CDYL: variants seen among roughly 807,000 people sequenced by gnomAD.
CDYL encodes chromodomain Y like, also known as chromodomain Y-like protein.
CDYL carries 8 observed loss-of-function variants against 47.3 expected under a neutral mutation model. The ratio of observed to expected loss-of-function variants is 0.17; its 90% CI spans 0.10 to 0.31. The LOEUF is 0.31. Ranked by LOEUF, CDYL falls within the 10% of genes least tolerant of loss-of-function variation. CDYL has a pLI of 1.00. For synonymous variants in CDYL, 266 were observed against 265.0 expected, an observed-to-expected ratio of 1.00 and a Z score of -0.04; for missense variants, 471 against 701.4, an observed-to-expected ratio of 0.67 and a Z score of 3.71.
rs115401997 is a variant in CDYL at position 4,819,454 on chromosome 6, G to A, written c.24+42647G>A. On this transcript the variant is annotated intron_variant, in intron 1 of 6. Coordinates refer to ENST00000397588, the MANE Select transcript of CDYL (RefSeq NM_004824.4). ...TTTGTCATGTCTACCAGATAGTGGT[G>A]GCTTCTGCCCTTTTTCTTTCTGGTC... 8.4e-3 allele frequency among the ~76,000 whole-genome samples: 1,279 copies of A among 152,206 alleles called. 21 individuals carry two copies. The highest frequency in any genetic ancestry group is 0.03 in the African/African-American group (1,229 of 41,514).
At chr6:4,859,470 G>A (rs1761102109) in intron 1 of CDYL, among the ~76,000 whole-genome samples, 1 of 152,178 alleles carries the variant, frequency 6.6e-6, no homozygotes, top group Admixed American at 6.5e-5. Context: ...TCCCCTGGCA[G>A]AGCCAACGGT....
intron 1 of CDYL, among the ~76,000 whole-genome samples, chr6:4,825,118 G>A (rs1430141113): frequency 1.3e-5 from 2 of 152,138 alleles, no homozygotes; most frequent in Non-Finnish European, 2.9e-5. Context: ...TGATCCGCCA[G>A]CCTCGGCCTC....
At chr6:4,900,800 T>G (rs1167329553) in intron 2 of CDYL, among the ~76,000 whole-genome samples, 24 of 83,074 alleles carry the variant, frequency 2.9e-4, no homozygotes, top group African/African-American at 1.1e-3. Context: ...TATATATATA[T>G]ATATATATAT....
rs3804548 is a variant in CDYL at position 4,949,754 on chromosome 6, C to T, written c.1333-2512C>T. On this transcript the variant is annotated intron_variant, in intron 5 of 6. Transcript: ENST00000397588. ...GTGTGTTTATATAAGAATATGCTCA[C>T]GCAAATTGCGTGTATTTAATCCTAT... Among the ~76,000 whole-genome samples the T allele has an allele frequency of 2.4e-4, 37 of 152,330 alleles. No homozygotes were observed. The East Asian group carries it at 5.8e-3, about 24-fold the overall frequency.
chr6:4,850,521 T>C (rs1162980069), intron 1 of CDYL, among the ~76,000 whole-genome samples: 2 of 152,274 alleles, frequency 1.3e-5, no homozygotes, highest in African/African-American at 4.8e-5. Flanking sequence ...GTTTATTCTA[T>C]AAGTTTCTTA....
At chr6:4,927,104 G>A (rs1757898262) in intron 2 of CDYL, among the ~76,000 whole-genome samples, 1 of 152,208 alleles carries the variant, frequency 6.6e-6, no homozygotes, top group African/African-American at 2.4e-5. Flanking sequence ...TACTAGGCAT[G>A]AAGTTTAGGG....
At chr6:4,767,246 TATTC>T (rs1272802023) in intron 3 of CDYL, among the ~76,000 whole-genome samples, 2 of 147,268 alleles carry the variant, frequency 1.4e-5, no homozygotes, top group African/African-American at 5.3e-5. Context: ...CAAAATTCAA[TATTC>T]ATTCATGATA....
chr6:4,852,338 CCTTCCTTCCTTCCAAT>C, intron 1 of CDYL, among the ~76,000 whole-genome samples: 1 of 151,212 alleles, frequency 6.6e-6, no homozygotes, highest in Non-Finnish European at 1.5e-5. Flanking sequence ...TTCCTTCCCT[CCTTCCTTCCTTCCAAT>C]CTTCCTTCCT....
intron 1 of CDYL, among the ~76,000 whole-genome samples, chr6:4,884,880 G>A (rs78845945): frequency 0.017 from 2,559 of 152,312 alleles, 30 homozygotes; most frequent in Non-Finnish European, 0.026. Context: ...CCTGCTGTGG[G>A]TAGGAAAAGC....
chr6:4,867,567 G>C (rs1761356021), intron 1 of CDYL, among the ~76,000 whole-genome samples: 1 of 152,122 alleles, frequency 6.6e-6, no homozygotes, highest in Non-Finnish European at 1.5e-5. Context: ...TCAATGACTA[G>C]TGAGATGGTT....
intron 1 of CDYL, among the ~76,000 whole-genome samples, chr6:4,782,249 T>C (rs1218999236): frequency 6.6e-6 from 1 of 152,188 alleles, no homozygotes; most frequent in African/African-American, 2.4e-5. Context: ...TTGCCTGGCA[T>C]GTTTGTCCAC....
intron 2 of CDYL, among the ~76,000 whole-genome samples, chr6:4,897,804 A>G (rs1363935293): frequency 7.2e-5 from 1 of 13,878 alleles, no homozygotes; most frequent in South Asian, 2.9e-3. Flanking sequence ...TTTTTTTTTA[A>G]ATTATCCAGG....
intron 1 of CDYL, among the ~76,000 whole-genome samples, chr6:4,884,850 C>G (rs1339813655): frequency 6.6e-6 from 1 of 152,166 alleles, no homozygotes. Flanking sequence ...ACAAGCAATG[C>G]TAATAGGCTG....
At chr6:4,948,745 C>T (rs1758607370) in intron 5 of CDYL, among the ~76,000 whole-genome samples, 1 of 152,196 alleles carries the variant, frequency 6.6e-6, no homozygotes, top group Non-Finnish European at 1.5e-5. Flanking sequence ...GGGGAGAAAC[C>T]CTGCTCTAAC....
intron 1 of CDYL, among the ~76,000 whole-genome samples, chr6:4,878,267 T>C (rs1006648063): frequency 6.6e-6 from 1 of 152,084 alleles, no homozygotes; most frequent in Non-Finnish European, 1.5e-5. Flanking sequence ...AAGTAGGAAA[T>C]AGTCTCTCAT....
intron 2 of CDYL, among the ~76,000 whole-genome samples, chr6:4,899,302 T>C (rs1464569460): frequency 6.6e-6 from 1 of 152,198 alleles, no homozygotes; most frequent in African/African-American, 2.4e-5. Flanking sequence ...GAAAGACATA[T>C]TAACAGGAGA....
intron 1 of CDYL, among the ~76,000 whole-genome samples, chr6:4,789,713 C>T (rs890440218): frequency 6.6e-6 from 1 of 152,176 alleles, no homozygotes; most frequent in Admixed American, 6.5e-5. Flanking sequence ...TGCTCTGTTT[C>T]CCTAGCTCTC....
intron 1 of CDYL, among the ~76,000 whole-genome samples, chr6:4,843,634 T>C (rs1264803297): frequency 6.6e-6 from 1 of 152,072 alleles, no homozygotes; most frequent in Non-Finnish European, 1.5e-5. Flanking sequence ...TCTGAGAGTA[T>C]TTTGCATTTC....
intron 3 of CDYL, among the ~76,000 whole-genome samples, chr6:4,739,117 CGCCAT>C (rs1381653165): frequency 6.6e-6 from 1 of 151,736 alleles, no homozygotes; most frequent in Non-Finnish European, 1.5e-5. Flanking sequence ...GCCAAGATCA[CGCCAT>C]TGCACTCCAG....
Sources: gnomAD v4.1 joint callset for allele counts (sites outside exome capture counted in the v4.1 genomes callset) on GRCh38, gnomAD v4.1.1 for gene constraint, MANE v1.5 for transcripts, NCBI Gene and HGNC (gene_info 2026-07-23, HGNC 2026-07-21) for gene names.